The following SLC24A4 variants were observed in gnomAD, a reference collection of about 807,000 sequenced individuals.
SLC24A4 encodes the protein solute carrier family 24 member 4.
In SLC24A4, 53 loss-of-function variants were observed where a neutral mutation model predicts 79.0. That is an observed-to-expected ratio of 0.67 (90% CI 0.54 to 0.84). The LOEUF is 0.84. SLC24A4 is among the 40% of genes least tolerant of loss of function. The pLI is 0.00. For missense variants in SLC24A4, 731 were observed against 822.0 expected (o/e 0.89, Z 1.35); for synonymous variants, 323 against 323.8 (o/e 1.00, Z 0.03).
At chr14:92,368,875 G>A (rs1158203408) in intron 2 of SLC24A4, among the ~76,000 whole-genome samples, 1 of 152,160 alleles carries the variant, frequency 6.6e-6, no homozygotes, top group African/African-American at 2.4e-5. Context: ...CTGTGGAAGA[G>A]GGGATTAACG....
At chr14:92,456,659 T>A (rs781026016) in intron 12 of SLC24A4, 51 bp downstream of exon 12, 1 of 1,574,436 alleles carries the variant, frequency 6.4e-7, no homozygotes, top group Non-Finnish European at 8.7e-7. Context: ...GGGGCTCCAT[T>A]AGGACCAAGC....
intron 10 of SLC24A4, chr14:92,451,318 T>A (rs1893124110): frequency 6.6e-6 from 1 of 152,222 alleles, no homozygotes; most frequent in South Asian, 2.1e-4. Flanking sequence ...CATGTGTGAG[T>A]CACTGTTCTG....
At chr14:92,368,345 A>G (rs147557282) in intron 2 of SLC24A4, among the ~76,000 whole-genome samples, 2 of 152,312 alleles carry the variant, frequency 1.3e-5, no homozygotes, top group Admixed American at 1.3e-4. Flanking sequence ...CTCCAGTATG[A>G]CGTTGAAAGG....
chr14:92,484,788 G>A (rs1374620565), intron 13 of SLC24A4: 1 of 985,406 alleles, frequency 1.0e-6, no homozygotes. Flanking sequence ...GTTAGACTGT[G>A]TCAGAAGCAT....
chr14:92,369,969 A>G (rs1888060787), intron 2 of SLC24A4, among the ~76,000 whole-genome samples: 1 of 152,230 alleles, frequency 6.6e-6, no homozygotes, highest in South Asian at 2.1e-4. Context: ...ACATAATGTC[A>G]GCAATTTACT....
At chr14:92,374,388 G>A (rs1888380960) in intron 2 of SLC24A4, among the ~76,000 whole-genome samples, 1 of 152,208 alleles carries the variant, frequency 6.6e-6, no homozygotes, top group East Asian at 1.9e-4. Context: ...ACGTCATCTT[G>A]AAGGACCCAG....
intron 2 of SLC24A4, among the ~76,000 whole-genome samples, chr14:92,331,349 T>C (rs1233202842): frequency 6.6e-6 from 1 of 152,210 alleles, no homozygotes; most frequent in Non-Finnish European, 1.5e-5. Context: ...AGTGGTATGA[T>C]CTCAGCTTAC....
intron 12 of SLC24A4, chr14:92,462,111 T>A (rs1346913424): frequency 6.6e-6 from 1 of 151,866 alleles, no homozygotes; most frequent in Non-Finnish European, 1.5e-5. Flanking sequence ...GGGTAGGGAG[T>A]CACTTTTCCA....
chr14:92,379,633 T>A (rs764239956), intron 2 of SLC24A4, among the ~76,000 whole-genome samples: 2 of 152,106 alleles, frequency 1.3e-5, no homozygotes, highest in African/African-American at 2.4e-5. Context: ...CTGAAGGGCA[T>A]GGGAGTGCTG....
intron 2 of SLC24A4, among the ~76,000 whole-genome samples, chr14:92,426,595 A>AT (rs1891578224): frequency 6.6e-6 from 1 of 152,158 alleles, no homozygotes; most frequent in Non-Finnish European, 1.5e-5. Flanking sequence ...GAAAGATAGG[A>AT]TTTTAAACTC....
intron 14 of SLC24A4, among the ~76,000 whole-genome samples, chr14:92,488,944 GT>G (rs1206899223): frequency 2.0e-5 from 3 of 152,166 alleles, no homozygotes; most frequent in African/African-American, 7.2e-5. Context: ...AGTGGGGAGT[GT>G]CCCAGTAAGA....
intron 2 of SLC24A4, among the ~76,000 whole-genome samples, chr14:92,402,612 A>C (rs972842316): frequency 6.6e-6 from 1 of 152,212 alleles, no homozygotes; most frequent in Non-Finnish European, 1.5e-5. Context: ...AAGAGGTTTA[A>C]TTGGACTTAC....
intron 12 of SLC24A4, among the ~76,000 whole-genome samples, chr14:92,463,314 C>T (rs1229502505): frequency 6.6e-6 from 1 of 152,178 alleles, no homozygotes; most frequent in African/African-American, 2.4e-5. Context: ...ACTCTCTTAA[C>T]ACTCCGCCTT....
In SLC24A4 at chr14:92,400,312, G is replaced by A. The variant is rs143302828; in HGVS notation, c.242-33600G>A. 5.3e-4 allele frequency among the ~76,000 whole-genome samples: 80 copies of A among 151,916 alleles called. 1 individual carries two copies. The East Asian group carries it at 0.011, about 20-fold the overall frequency. ...AAACTAGCTGGGCATGGTGGCATGCGCCTGTAGTCCCAGCTACTCGGGAGG... is the reference window on the plus strand; with the variant it reads ...AAACTAGCTGGGCATGGTGGCATGCACCTGTAGTCCCAGCTACTCGGGAGG... On this transcript the variant is annotated intron_variant, in intron 2 of 16. Transcript: ENST00000532405.
At chr14:92,396,362 G>A (rs1889778416) in intron 2 of SLC24A4, among the ~76,000 whole-genome samples, 1 of 152,202 alleles carries the variant, frequency 6.6e-6, no homozygotes, top group African/African-American at 2.4e-5. Flanking sequence ...GCTGTGGAGT[G>A]ATGCTTCTTT....
Position 92,496,308 on chromosome 14 carries a change from A to C in SLC24A4, c.*2680A>C, listed in dbSNP as rs188105075. ...TTTAACTAAATATTTTTCCATCACA[A>C]ATTTAAAGAATTGCATGATTAATTA... On this transcript the variant is annotated 3_prime_UTR_variant, in exon 17 of 17. Transcript: ENST00000532405. 2.0e-5 allele frequency: 3 copies of C among 152,736 alleles called. No individual in the cohort carries two copies. In the East Asian group the frequency reaches 5.8e-4, roughly 29 times the overall value. The allele number at this position is 152,736 out of a possible 1,614,324, so 9.5% of individuals were successfully genotyped here. A position where few individuals can be genotyped will look rare whatever the true frequency, so the allele number is the denominator to read the frequency against.
chr14:92,423,829 A>G (rs76444306), intron 2 of SLC24A4, among the ~76,000 whole-genome samples: 3 of 152,182 alleles, frequency 2.0e-5, no homozygotes, highest in Non-Finnish European at 4.4e-5. Context: ...CATTGTGTGC[A>G]TTGGTTTAGG....
At chr14:92,456,837 G>A (rs376858409) in intron 12 of SLC24A4, among the ~76,000 whole-genome samples, 1 of 152,200 alleles carries the variant, frequency 6.6e-6, no homozygotes, top group Non-Finnish European at 1.5e-5. Flanking sequence ...CAAGAGCCTC[G>A]GGCCAGAGAG....
intron 11 of SLC24A4, among the ~76,000 whole-genome samples, chr14:92,455,195 C>T (rs1367369984): frequency 6.6e-6 from 1 of 152,216 alleles, no homozygotes; most frequent in Non-Finnish European, 1.5e-5. Flanking sequence ...GAGCTTCAAT[C>T]TCACATCAGC....
Sources: gnomAD v4.1 joint callset for allele counts (sites outside exome capture counted in the v4.1 genomes callset) on GRCh38, gnomAD v4.1.1 for gene constraint, MANE v1.5 for transcripts, NCBI Gene and HGNC (gene_info 2026-07-23, HGNC 2026-07-21) for gene names.